The following HMG20A variants were observed in gnomAD, a reference collection of about 807,000 sequenced individuals.
HMG20A encodes the protein high mobility group 20A.
In HMG20A, 17 loss-of-function variants were observed where a neutral mutation model predicts 43.9. The ratio of observed to expected loss-of-function variants is 0.39; its 90% confidence interval spans 0.27 to 0.58. The LOEUF is 0.58. Ranked by LOEUF, HMG20A falls within the 20% of genes least tolerant of loss-of-function variation. The pLI is 0.59. For synonymous variants in HMG20A, 132 were observed against 147.5 expected (o/e 0.89, Z 0.76); for missense variants, 341 against 438.2 (o/e 0.78, Z 1.98).
intron 1 of HMG20A, among the ~76,000 whole-genome samples, chr15:77,432,400 A>G (rs2073494897): frequency 1.3e-5 from 2 of 152,284 alleles, no homozygotes; most frequent in South Asian, 4.1e-4. Flanking sequence ...AAAGGAAATA[A>G]TAAAAAAATA....
chr15:77,431,362 C>T (rs935323811), intron 1 of HMG20A, among the ~76,000 whole-genome samples: 12 of 152,082 alleles, frequency 7.9e-5, no homozygotes, highest in African/African-American at 2.7e-4. Context: ...CAGGTGCATG[C>T]CACCACACCC....
the HMG20A span, among the ~76,000 whole-genome samples, chr15:77,518,006 T>C: frequency 1.1e-5 from 1 of 88,700 alleles, no homozygotes; most frequent in African/African-American, 3.5e-5. Flanking sequence ...CATTAGCAGA[T>C]GTTAAAAAAA....
intron 9 of HMG20A, among the ~76,000 whole-genome samples, chr15:77,480,788 T>C (rs934760014): frequency 6.6e-6 from 1 of 151,062 alleles, no homozygotes; most frequent in Non-Finnish European, 1.5e-5. Flanking sequence ...ATTTCTCAAA[T>C]GGAATTGGTA....
At chr15:77,510,791 A>T in the HMG20A span, among the ~76,000 whole-genome samples, 1 of 152,238 alleles carries the variant, frequency 6.6e-6, no homozygotes. Flanking sequence ...TGGCCCAGGA[A>T]CTTCCCAGAA....
Position 77,426,394 on chromosome 15 carries a change from C to CTATG in HMG20A, c.-5+5393_-5+5396dup, listed in dbSNP as rs2073428282. Among the ~76,000 whole-genome samples, 4 of 152,200 alleles carry CTATG rather than the reference C, an allele frequency of 2.6e-5. No individual in the cohort carries two copies. In the South Asian group the frequency reaches 8.3e-4, roughly 32 times the overall value. On this transcript the variant is annotated intron_variant, in intron 1 of 9. Coordinates refer to ENST00000336216, the MANE Select transcript of HMG20A (RefSeq NM_001304504.2). ...ACACATGTTTTATATGTTACATGTA[C>CTATG]TATGTACTGTATTCTTACAATAAGC...
chr15:77,481,728 A>G (rs1371276283), intron 9 of HMG20A, among the ~76,000 whole-genome samples: 2 of 152,202 alleles, frequency 1.3e-5, no homozygotes, highest in South Asian at 2.1e-4. Flanking sequence ...TTATATTACT[A>G]CAGATTCTTA....
intron 1 of HMG20A, among the ~76,000 whole-genome samples, chr15:77,429,796 A>G (rs966876295): frequency 6.6e-6 from 1 of 152,256 alleles, no homozygotes; most frequent in Non-Finnish European, 1.5e-5. Context: ...GTCTTTAAGA[A>G]TACATTGAAA....
the HMG20A span, among the ~76,000 whole-genome samples, chr15:77,509,800 G>A: frequency 1.3e-5 from 2 of 151,690 alleles, no homozygotes; most frequent in African/African-American, 2.4e-5. Context: ...CCAGCTACCT[G>A]GGAGGCTGAG....
At chr15:77,509,372 G>A in the HMG20A span, among the ~76,000 whole-genome samples, 20 of 151,784 alleles carry the variant, frequency 1.3e-4, no homozygotes, top group East Asian at 2.0e-3. Flanking sequence ...CTCCCATCTC[G>A]GCTTCTCAAG....
intron 1 of HMG20A, among the ~76,000 whole-genome samples, chr15:77,424,941 A>G (rs1451582577): frequency 6.6e-6 from 1 of 152,088 alleles, no homozygotes; most frequent in Non-Finnish European, 1.5e-5. Flanking sequence ...TACACATCCA[A>G]ACGGGATCGC....
In HMG20A at chr15:77,484,731, C is replaced by T. The variant is rs1251022073; in HGVS notation, c.*1768C>T. The T allele has an allele frequency of 6.6e-6, 1 of 152,242 alleles. No homozygotes were observed. The highest frequency in any genetic ancestry group is 1.5e-5 in the Non-Finnish European group (1 of 68,060). 9.4% of individuals were successfully genotyped at this position (152,242 alleles called of 1,614,324 possible). A position where few individuals can be genotyped will look rare whatever the true frequency, so the allele number is the denominator to read the frequency against. ...TATAAACCTAGCCAGTTCTCTTGCT[C>T]TTCTGTATTTTCCTATTTCCCTGCC... is the stretch of plus-strand genomic sequence containing the variant. On this transcript the variant is annotated 3_prime_UTR_variant, in exon 10 of 10. Transcript: ENST00000336216.
chr15:77,471,783 A>G lies in HMG20A; in HGVS notation c.584A>G (p.Asp195Gly). ...TTCTCTTATTCTTTTATATTTTTAG[A>G]TGCAGCCCGGCAGGCCACTCATGAT... ...DRQKGKSHRQ[D>G]AARQATHDHE... Residue 195 changes from aspartate to glycine, a missense_variant and splice_region_variant, in exon 6 of 10, where the codon GAT becomes GGT. This residue lies in a region of HMG20A where 220 missense variants were observed against 263.6 expected (regional missense o/e 0.83). Transcript: ENST00000336216. 1 of 1,574,684 alleles carries G rather than the reference A, an allele frequency of 6.4e-7. No individual in the cohort carries two copies. The highest frequency in any genetic ancestry group is 1.4e-5 in the African/African-American group (1 of 73,658).
the HMG20A span, among the ~76,000 whole-genome samples, chr15:77,500,437 C>T: frequency 6.6e-6 from 1 of 152,146 alleles, no homozygotes; most frequent in African/African-American, 2.4e-5. Flanking sequence ...CAGCAGGGTG[C>T]AAGGGCCTAT....
chr15:77,452,156 G>A (rs1039009782), intron 1 of HMG20A, among the ~76,000 whole-genome samples: 2 of 152,214 alleles, frequency 1.3e-5, no homozygotes, highest in African/African-American at 2.4e-5. Context: ...GGGGTATGGT[G>A]TGGCTTTAGG....
chr15:77,497,682 A>AGAGAGAGAGAGAGAGAGAGAGT, the HMG20A span, among the ~76,000 whole-genome samples: 7 of 119,082 alleles, frequency 5.9e-5, no homozygotes, highest in African/African-American at 1.9e-4. Flanking sequence ...AGAGAGAGAG[A>AGAGAGAGAGAGAGAGAGAGAGT]GTGTGTGTGT....
chr15:77,471,088 T>C, intron 5 of HMG20A, 46 bp downstream of exon 5: 3 of 1,582,710 alleles, frequency 1.9e-6, no homozygotes, highest in Non-Finnish European at 2.6e-6. Context: ...TTGTGGGTGA[T>C]GGAGTGTCAT....
intron 4 of HMG20A, among the ~76,000 whole-genome samples, chr15:77,467,798 C>G (rs924415034): frequency 5.3e-5 from 8 of 152,148 alleles, no homozygotes; most frequent in Non-Finnish European, 1.5e-5. Flanking sequence ...TCTTTCTCCT[C>G]TAAGACAGAA....
At position 77,477,573 on chromosome 15, in the gene HMG20A, G is replaced by T; in HGVS notation, c.634G>T (p.Glu212Ter). The change falls in exon 7 of 10, where the codon GAA (glutamate) becomes TAA (stop). Residue 212 changes from glutamate to a stop codon, truncating the protein, a stop_gained. Transcript: ENST00000336216. LOFTEE classifies it high-confidence loss of function. ...HDHEKETEVK[E>*]RSVFDIPIFT... Reference sequence around the variant, plus strand: ...TTCACAGAAAGAAACAGAGGTAAAGGAACGGTCTGTTTTTGACATCCCTAT... The same window carrying T: ...TTCACAGAAAGAAACAGAGGTAAAGTAACGGTCTGTTTTTGACATCCCTAT... 1 of 1,611,404 alleles carries T rather than the reference G, an allele frequency of 6.2e-7. No homozygotes were observed. The highest frequency in any genetic ancestry group is 1.1e-5 in the South Asian group (1 of 90,914).
At chr15:77,469,068 G>A (rs966104537) in intron 4 of HMG20A, among the ~76,000 whole-genome samples, 4 of 151,656 alleles carry the variant, frequency 2.6e-5, no homozygotes, top group Admixed American at 2.6e-4. Context: ...GATTGAGGTT[G>A]CGCATTCTTG....
Sources: gnomAD v4.1 joint callset for allele counts (sites outside exome capture counted in the v4.1 genomes callset) on GRCh38, gnomAD v4.1.1 for gene constraint, gnomAD v4.1.1 regional missense constraint, MANE v1.5 for transcripts, NCBI Gene and HGNC (gene_info 2026-07-23, HGNC 2026-07-21) for gene names.